COL6A5: variants seen among roughly 807,000 people sequenced by gnomAD.
COL6A5 encodes collagen alpha-5(VI) chain.
Under a neutral mutation model 65.6 loss-of-function variants are expected in COL6A5, and 48 were observed. The observed-to-expected ratio is 0.73, with a 90% CI of 0.58 to 0.93. The LOEUF (loss-of-function observed/expected upper bound fraction) is 0.93. Among genes scored for constraint, COL6A5 ranks in the 40% least tolerant of loss-of-function variants. The probability of loss-of-function intolerance (pLI) is 0.00; values close to 1 mark genes in which losing one functional copy is unlikely to be tolerated. For missense variants in COL6A5, 914 were observed against 928.3 expected (o/e 0.98, Z 0.20); for synonymous variants, 291 against 322.8 (o/e 0.90, Z 1.05).
At chr3:130,418,646 T>A (rs1404082303) in intron 24 of COL6A5, among the ~76,000 whole-genome samples, 5 of 152,072 alleles carry the variant, frequency 3.3e-5, no homozygotes, top group African/African-American at 1.2e-4. Context: ...TTCAGTACTT[T>A]TATAACACTG....
intron 5 of COL6A5, among the ~76,000 whole-genome samples, chr3:130,460,871 T>C (rs1488685844): frequency 2.0e-5 from 3 of 151,584 alleles, no homozygotes; most frequent in African/African-American, 7.3e-5. Context: ...GTGGTGGTGG[T>C]GGTGGTACTG....
chr3:130,352,445 T>C (rs1487175365), intron 1 of COL6A5, among the ~76,000 whole-genome samples: 1 of 152,196 alleles, frequency 6.6e-6, no homozygotes, highest in African/African-American at 2.4e-5. Context: ...CTTTGAGAAG[T>C]ACTCTCGGTG....
chr3:130,390,886 A>G (rs1936371803), intron 6 of COL6A5, among the ~76,000 whole-genome samples: 1 of 152,210 alleles, frequency 6.6e-6, no homozygotes. Flanking sequence ...AAGACATTAC[A>G]TGTCCTAATG....
chr3:130,482,566 T>C (rs532858026), intron 7 of COL6A5, among the ~76,000 whole-genome samples: 101 of 152,314 alleles, frequency 6.6e-4, no homozygotes, highest in Non-Finnish European at 1.2e-3. Context: ...AGTAGTTTTT[T>C]TCTAATTCTG....
chr3:130,363,847 C>T (rs1351060399), intron 1 of COL6A5, among the ~76,000 whole-genome samples: 6 of 152,190 alleles, frequency 3.9e-5, no homozygotes, highest in Admixed American at 3.9e-4. Flanking sequence ...TACCCCAGCA[C>T]TGGTTCCTGC....
At chr3:130,390,259 G>T (rs1936348161) in intron 6 of COL6A5, among the ~76,000 whole-genome samples, 1 of 152,114 alleles carries the variant, frequency 6.6e-6, no homozygotes, top group Non-Finnish European at 1.5e-5. Flanking sequence ...GCTGACTCAT[G>T]CATTAGATTG....
chr3:130,430,514 C>A (rs1017088365), upstream of COL6A5, among the ~76,000 whole-genome samples: 12 of 152,114 alleles, frequency 7.9e-5, no homozygotes, highest in South Asian at 2.1e-4. Context: ...AAAGAAAAAT[C>A]ATTTTTCTCT....
At chr3:130,468,071 T>C (rs774938245) in intron 5 of COL6A5, among the ~76,000 whole-genome samples, 1 of 152,000 alleles carries the variant, frequency 6.6e-6, no homozygotes, top group African/African-American at 2.4e-5. Context: ...GGAATGTAAA[T>C]CAAGGCAATG....
At chr3:130,466,037 A>G (rs1386664512) in intron 5 of COL6A5, among the ~76,000 whole-genome samples, 2 of 152,094 alleles carry the variant, frequency 1.3e-5, no homozygotes, top group Non-Finnish European at 2.9e-5. Context: ...TGAAAAGAGT[A>G]TTAGTTAGTT....
At chr3:130,402,765 G>A (rs951404130) in intron 12 of COL6A5, among the ~76,000 whole-genome samples, 2 of 152,010 alleles carry the variant, frequency 1.3e-5, no homozygotes, top group Admixed American at 6.6e-5. Context: ...TTATAATATT[G>A]TTCTATAAAG....
intron 1 of COL6A5, among the ~76,000 whole-genome samples, chr3:130,360,883 A>G (rs1935082288): frequency 1.3e-5 from 2 of 152,098 alleles, no homozygotes; most frequent in African/African-American, 2.4e-5. Flanking sequence ...ATTTCCATGT[A>G]ACCATAATCA....
intron 20 of COL6A5, among the ~76,000 whole-genome samples, chr3:130,411,894 C>G (rs1937187430): frequency 6.6e-6 from 1 of 152,118 alleles, no homozygotes; most frequent in South Asian, 2.1e-4. Flanking sequence ...TTAAACAAGG[C>G]AACATTGATA....
chr3:130,396,298 C>A (rs1347952979), intron 8 of COL6A5, among the ~76,000 whole-genome samples: 1 of 152,194 alleles, frequency 6.6e-6, no homozygotes, highest in Non-Finnish European at 1.5e-5. Context: ...TGATTGAAAT[C>A]ACTTCTTTCA....
intron 17 of COL6A5, among the ~76,000 whole-genome samples, chr3:130,408,898 G>A (rs1937088132): frequency 6.6e-6 from 1 of 152,162 alleles, no homozygotes; most frequent in Non-Finnish European, 1.5e-5. Flanking sequence ...TTGCTAGACT[G>A]GCTAGGATGT....
chr3:130,395,958 A>C (rs1335024436), intron 8 of COL6A5, among the ~76,000 whole-genome samples: 1 of 152,178 alleles, frequency 6.6e-6, no homozygotes, highest in Non-Finnish European at 1.5e-5. Flanking sequence ...CATTCATATA[A>C]TCATAGCCTA....
At chr3:130,470,731 G>C (rs1040110391) in intron 6 of COL6A5, 140 bp from the exon 39 acceptor site, 8 of 613,530 alleles carry the variant, frequency 1.3e-5, no homozygotes, top group Middle Eastern at 2.6e-4. Context: ...TTCCATGTCA[G>C]AGTGTGCCTA....
chr3:130,426,743 A>G (rs1431229726), upstream of COL6A5, among the ~76,000 whole-genome samples: 1 of 151,904 alleles, frequency 6.6e-6, no homozygotes, highest in Non-Finnish European at 1.5e-5. Context: ...TAAAGGGATG[A>G]TCATGGGGGT....
At chr3:130,390,687 G>A (rs577529221) in intron 6 of COL6A5, among the ~76,000 whole-genome samples, 2 of 152,284 alleles carry the variant, frequency 1.3e-5, no homozygotes, top group South Asian at 4.1e-4. Flanking sequence ...AACAGGGATG[G>A]TTTGCATACC....
intron 4 of COL6A5, among the ~76,000 whole-genome samples, chr3:130,383,071 TA>T (rs1242140475): frequency 1.3e-5 from 2 of 152,080 alleles, no homozygotes; most frequent in African/African-American, 4.8e-5. Context: ...TAAAATCAAA[TA>T]CATACATCTA....
Sources: gnomAD v4.1 joint callset for allele counts (sites outside exome capture counted in the v4.1 genomes callset) on GRCh38, gnomAD v4.1.1 for gene constraint, MANE v1.5 for transcripts, NCBI Gene and HGNC (gene_info 2026-07-23, HGNC 2026-07-21) for gene names.